The following CNOT8 variants were observed in gnomAD, a reference collection of about 807,000 sequenced individuals.
CNOT8 encodes CAF1-like protein.
Under a neutral mutation model 34.6 loss-of-function variants are expected in CNOT8, and 18 were observed. That is an observed-to-expected ratio of 0.52 (90% CI 0.36 to 0.77). CNOT8 has a LOEUF of 0.77. Ranked by LOEUF, CNOT8 falls within the 30% of genes least tolerant of loss-of-function variation. CNOT8 has a pLI of 0.00. For synonymous variants in CNOT8, 101 were observed against 118.8 expected (o/e 0.85, Z 0.98); for missense variants, 189 against 347.9 (o/e 0.54, Z 3.63).
At chr5:154,870,862 C>G in intron 4 of CNOT8, 40 bp downstream of exon 4, 1 of 1,537,502 alleles carries the variant, frequency 6.5e-7, no homozygotes, top group Non-Finnish European at 8.9e-7. Context: ...TCACTTTGGG[C>G]TACACTGAAG....
chr5:154,872,648 A>G lies in CNOT8; in HGVS notation c.726A>G (p.Lys242=), dbSNP rs149700026. Residue 242 remains lysine, a synonymous_variant, in exon 6 of 7, where the codon AAA becomes AAG. Transcript: ENST00000285896. ...CAGGAATGGCTTTCTTTAGGATGAA[A>G]GAGGTAAGCTTCCTTGAATGTGATC... ...LLTGMAFFRM[K]ELFFEDSIDD... 6.2e-6 allele frequency: 10 copies of G among 1,604,672 alleles called. No homozygotes were observed. The highest frequency in any genetic ancestry group is 8.5e-6 in the Non-Finnish European group (10 of 1,172,342).
At chr5:154,870,216 GTT>G (rs1762352475) in intron 3 of CNOT8, among the ~76,000 whole-genome samples, 1 of 148,496 alleles carries the variant, frequency 6.7e-6, no homozygotes, top group Admixed American at 6.6e-5. Flanking sequence ...GCTAATCTTT[GTT>G]TGTGTGTGTG....
chr5:154,870,475 A>G (rs1406042608), intron 3 of CNOT8, 186 bp from the exon 4 acceptor site: 10 of 449,116 alleles, frequency 2.2e-5, no homozygotes, highest in East Asian at 7.6e-5. Context: ...TCATTTTTCT[A>G]TCTGTCACAG....
chr5:154,860,089 C>CTTCAGT (rs1419444965), intron 1 of CNOT8, among the ~76,000 whole-genome samples: 5 of 152,100 alleles, frequency 3.3e-5, no homozygotes, highest in African/African-American at 1.2e-4. Context: ...GTTACTGTTG[C>CTTCAGT]TTTGGTTGTA....
chr5:154,871,946 A>T (rs1762517207), intron 5 of CNOT8, 72 bp downstream of exon 5: 43 of 1,364,994 alleles, frequency 3.2e-5, no homozygotes, highest in Non-Finnish European at 4.3e-5. Flanking sequence ...CTTTATTGTT[A>T]CGTGTTCAGC....
Position 154,871,726 on chromosome 5 carries a change from G to C in CNOT8, c.474-4G>C. ...TTTAACCTCTGTGGTTTATTCTCTT[G>C]TAGTGGCTATGATTTTGGCTATATG... On this transcript the variant is annotated splice_polypyrimidine_tract_variant and splice_region_variant and intron_variant, in intron 4 of 6. Transcript: ENST00000285896. 6.2e-7 allele frequency: 1 copy of C among 1,613,862 alleles called. No individual in the cohort carries two copies. The highest frequency in any genetic ancestry group is 8.5e-7 in the Non-Finnish European group (1 of 1,179,906).
At chr5:154,875,250 T>C in intron 6 of CNOT8, 40 bp from the exon 7 acceptor site, 1 of 1,606,962 alleles carries the variant, frequency 6.2e-7, no homozygotes, top group Admixed American at 1.7e-5. Context: ...TCATGACTTC[T>C]AGCATAACTC....
chr5:154,871,559 C>CAA (rs372899952), intron 4 of CNOT8, among the ~76,000 whole-genome samples, 171 bp from the exon 5 acceptor site: 6,650 of 54,264 alleles, frequency 0.12, 325 homozygotes, highest in Admixed American at 0.17. Flanking sequence ...GACTCTGTCT[C>CAA]AAAAAAAAAA....
chr5:154,875,205 T>C, intron 6 of CNOT8, 85 bp from the exon 7 acceptor site: 1 of 1,468,330 alleles, frequency 6.8e-7, no homozygotes, highest in South Asian at 1.3e-5. Flanking sequence ...ACGTGAGCCA[T>C]TGCACCCGGC....
chr5:154,868,024 C>T (rs2113331829), intron 3 of CNOT8, among the ~76,000 whole-genome samples: 1 of 152,176 alleles, frequency 6.6e-6, no homozygotes. Context: ...GCAACGTCTG[C>T]CTCCCGGGTT....
intron 3 of CNOT8, chr5:154,870,426 C>G (rs192452472): frequency 3.6e-4 from 122 of 334,562 alleles, no homozygotes; most frequent in African/African-American, 2.5e-3. Flanking sequence ...CAAATGTATA[C>G]CTATTATAAT....
At chr5:154,874,554 AGAC>A (rs1350225738) in intron 6 of CNOT8, among the ~76,000 whole-genome samples, 1 of 151,940 alleles carries the variant, frequency 6.6e-6, no homozygotes, top group Non-Finnish European at 1.5e-5. Context: ...TTTTCTTTCG[AGAC>A]GGAGTCTTGC....
chr5:154,863,936 T>A (rs1238788439), intron 2 of CNOT8, among the ~76,000 whole-genome samples: 2 of 152,132 alleles, frequency 1.3e-5, no homozygotes, highest in African/African-American at 4.8e-5. Context: ...AATTCCAGAT[T>A]TCTGGCATCT....
intron 1 of CNOT8, among the ~76,000 whole-genome samples, chr5:154,862,245 G>T (rs1049003714): frequency 6.7e-6 from 1 of 149,150 alleles, no homozygotes; most frequent in Non-Finnish European, 1.5e-5. Context: ...AATACTGGCC[G>T]GTGGATCACA....
intron 6 of CNOT8, among the ~76,000 whole-genome samples, chr5:154,874,398 G>C (rs1328938195): frequency 6.6e-6 from 1 of 151,932 alleles, no homozygotes; most frequent in African/African-American, 2.4e-5. Context: ...CCAACATGGT[G>C]AAACCTGCCT....
intron 3 of CNOT8, among the ~76,000 whole-genome samples, chr5:154,868,263 C>CTTTTTTTTTTTT (rs200482243): frequency 1.6e-4 from 20 of 127,264 alleles, no homozygotes; most frequent in African/African-American, 4.1e-4. Context: ...TTTTTCTTTT[C>CTTTTTTTTTTTT]TTTTCTTTTT....
chr5:154,859,988 C>G (rs1337219393), intron 1 of CNOT8: 2 of 152,122 alleles, frequency 1.3e-5, no homozygotes. Context: ...AAAAATTAAC[C>G]CTTAAAAATT....
intron 2 of CNOT8, among the ~76,000 whole-genome samples, chr5:154,864,793 C>A (rs572406716): frequency 1.3e-5 from 2 of 152,246 alleles, no homozygotes; most frequent in South Asian, 4.1e-4. Flanking sequence ...TTGGCTGATG[C>A]CTGTAATCTG....
intron 3 of CNOT8, 70 bp from the exon 4 acceptor site, chr5:154,870,591 G>T: frequency 4.4e-6 from 5 of 1,149,058 alleles, no homozygotes; most frequent in Non-Finnish European, 6.3e-6. Flanking sequence ...TTATAAGGTG[G>T]TGGTAATAGT....
Sources: gnomAD v4.1 joint callset for allele counts (sites outside exome capture counted in the v4.1 genomes callset) on GRCh38, gnomAD v4.1.1 for gene constraint, MANE v1.5 for transcripts, NCBI Gene and HGNC (gene_info 2026-07-23, HGNC 2026-07-21) for gene names.